The following DOK6 variants were observed in gnomAD, a reference collection of about 807,000 sequenced individuals.
DOK6 encodes docking protein 6, also known as downstream of tyrosine kinase 6.
DOK6 carries 22 observed loss-of-function variants against 44.0 expected under a neutral mutation model. That is an observed-to-expected ratio of 0.50 (90% confidence interval 0.36 to 0.71). The LOEUF (loss-of-function observed/expected upper bound fraction) is 0.71, where lower values mean the gene tolerates loss of function less well. Among genes scored for constraint, DOK6 ranks in the 30% least tolerant of loss-of-function variants. The pLI is 0.00. For synonymous variants in DOK6, 166 were observed against 145.5 expected, an observed-to-expected ratio of 1.14 and a Z score of -1.01; for missense variants, 340 against 416.4, an observed-to-expected ratio of 0.82 and a Z score of 1.60.
chr18:69,546,232 T>A (rs58496899), intron 1 of DOK6, among the ~76,000 whole-genome samples: 7,227 of 144,614 alleles, frequency 0.05, 586 homozygotes, highest in African/African-American at 0.17. Flanking sequence ...ACCCGAGATC[T>A]CACCATTGCA....
chr18:69,766,231 A>G (rs1979712592), intron 7 of DOK6, among the ~76,000 whole-genome samples: 1 of 152,182 alleles, frequency 6.6e-6, no homozygotes, highest in East Asian at 1.9e-4. Context: ...GGACATAAGT[A>G]TGGCCATAGT....
chr18:69,687,214 C>T (rs1678069973), intron 4 of DOK6, among the ~76,000 whole-genome samples: 1 of 152,124 alleles, frequency 6.6e-6, no homozygotes, highest in East Asian at 1.9e-4. Flanking sequence ...AAAGATAATA[C>T]ACCCTGACCA....
intron 3 of DOK6, chr18:69,663,302 G>C (rs1454547359): frequency 3.3e-5 from 5 of 152,156 alleles, no homozygotes; most frequent in Non-Finnish European, 7.3e-5. Context: ...AGAGGATGAA[G>C]GGTGGGAGGA....
In DOK6 at chr18:69,708,958, G is replaced by A. The variant is rs112366542; in HGVS notation, c.599+10365G>A. ...TTTGAAGAAATCAACATTCTTTCACGAAAAATGCTAAAACACCAGAGCATG... is the reference window on the plus strand; with the variant it reads ...TTTGAAGAAATCAACATTCTTTCACAAAAAATGCTAAAACACCAGAGCATG... On this transcript the variant is annotated intron_variant, in intron 5 of 7. Transcript: ENST00000382713. Among the ~76,000 whole-genome samples the A allele has an allele frequency of 4.9e-3, 743 of 152,176 alleles. 4 individuals are homozygous for A. Among genetic ancestry groups the A allele is most frequent in the African/African-American group, 0.016 (683 of 41,510 alleles).
intron 3 of DOK6, among the ~76,000 whole-genome samples, chr18:69,608,263 C>T (rs1042706570): frequency 6.6e-6 from 1 of 152,112 alleles, no homozygotes; most frequent in Middle Eastern, 3.2e-3. Flanking sequence ...TGTTGAATAG[C>T]TTATTCTTTG....
At chr18:69,795,225 T>C (rs894044769) in intron 7 of DOK6, among the ~76,000 whole-genome samples, 3 of 152,042 alleles carry the variant, frequency 2.0e-5, no homozygotes, top group African/African-American at 7.2e-5. Flanking sequence ...GTCACTAACC[T>C]CTTAAACAAC....
At chr18:69,709,968 A>C (rs1453712402) in intron 5 of DOK6, among the ~76,000 whole-genome samples, 2 of 152,276 alleles carry the variant, frequency 1.3e-5, no homozygotes, top group East Asian at 3.9e-4. Context: ...CTTGAGCTCT[A>C]GGAGTTCAAG....
In DOK6 at chr18:69,705,920, A is replaced by T. The variant is rs919228128; in HGVS notation, c.599+7327A>T. Among the ~76,000 whole-genome samples, 14 of 16,820 alleles carry T rather than the reference A, an allele frequency of 8.3e-4. No homozygotes were observed. The East Asian group carries it at 0.17, about 200-fold the overall frequency. 11.0% of individuals were successfully genotyped at this position (16,820 alleles called of 152,430 possible). On this transcript the variant is annotated intron_variant, in intron 5 of 7. Coordinates refer to ENST00000382713, the MANE Select transcript of DOK6 (RefSeq NM_152721.6). ...GAAATCTTCTCCATAAATGTGATTA[A>T]AAAAAAAAAAAACACTCCATTATTT...
chr18:69,823,166 C>G (rs1477744684), intron 7 of DOK6, among the ~76,000 whole-genome samples: 1 of 152,172 alleles, frequency 6.6e-6, no homozygotes, highest in Non-Finnish European at 1.5e-5. Flanking sequence ...TGAGTGCCTG[C>G]TGTGTGCCTG....
intron 1 of DOK6, among the ~76,000 whole-genome samples, chr18:69,499,400 T>C (rs1389851922): frequency 1.3e-5 from 2 of 152,108 alleles, no homozygotes; most frequent in Non-Finnish European, 2.9e-5. Context: ...CTGTGGAAAA[T>C]AGGCTAGAAT....
intron 3 of DOK6, among the ~76,000 whole-genome samples, chr18:69,672,653 C>A (rs1275087614): frequency 7.0e-6 from 1 of 143,526 alleles, no homozygotes. Flanking sequence ...CCACTGCGCC[C>A]GGCAGTGTTT....
At chr18:69,766,176 C>T (rs1215322788) in intron 7 of DOK6, among the ~76,000 whole-genome samples, 5 of 152,142 alleles carry the variant, frequency 3.3e-5, no homozygotes, top group African/African-American at 4.8e-5. Flanking sequence ...AACCAAATAC[C>T]GCACATTCTC....
chr18:69,809,222 G>A (rs1981143662), intron 7 of DOK6, among the ~76,000 whole-genome samples: 1 of 151,686 alleles, frequency 6.6e-6, no homozygotes, highest in South Asian at 2.1e-4. Context: ...ATCTCAGAAT[G>A]CAGAAAAAGC....
Position 69,698,537 on chromosome 18 carries a change from C to T in DOK6, c.543C>T (p.Leu181=). 4 of 1,614,066 alleles carry T rather than the reference C, an allele frequency of 2.5e-6. No individual in the cohort carries two copies. The South Asian group carries it at 4.4e-5, about 18-fold the overall frequency. The change falls in exon 5 of 8, where the codon CTC becomes CTT. Residue 181 remains leucine, a synonymous_variant. Coordinates refer to ENST00000382713, the MANE Select transcript of DOK6 (RefSeq NM_152721.6). ...AGGTCAAACTGGTGATGTGGCCTCT[C>T]AGCTCACTGAGGAGATACGGTCGGG... is the stretch of plus-strand genomic sequence containing the variant. ...NAKVKLVMWP[L]SSLRRYGRDS...
At chr18:69,485,713 A>C (rs12969458) in intron 1 of DOK6, among the ~76,000 whole-genome samples, 28,037 of 152,060 alleles carry the variant, frequency 0.18, 3,259 homozygotes, top group Non-Finnish European at 0.26. Flanking sequence ...ATTTTGAGAG[A>C]ATGTTTTCTA....
intron 2 of DOK6, among the ~76,000 whole-genome samples, chr18:69,575,496 A>AT (rs1983217657): frequency 6.6e-6 from 1 of 152,120 alleles, no homozygotes; most frequent in African/African-American, 2.4e-5. Flanking sequence ...GTTTGGTATC[A>AT]GCCTTAGAGT....
intron 6 of DOK6, among the ~76,000 whole-genome samples, chr18:69,748,769 C>T (rs1337819476): frequency 1.3e-5 from 2 of 152,118 alleles, no homozygotes; most frequent in African/African-American, 2.4e-5. Flanking sequence ...AGATCTAGAA[C>T]CAGAAATATC....
At chr18:69,706,996 C>T (rs568574870) in intron 5 of DOK6, among the ~76,000 whole-genome samples, 8 of 152,068 alleles carry the variant, frequency 5.3e-5, no homozygotes, top group East Asian at 1.9e-4. Flanking sequence ...AATAAACATA[C>T]GTGTGCATGT....
At chr18:69,639,592 G>C (rs1020936663) in intron 3 of DOK6, among the ~76,000 whole-genome samples, 1 of 152,120 alleles carries the variant, frequency 6.6e-6, no homozygotes, top group Non-Finnish European at 1.5e-5. Flanking sequence ...CTGCCCTCTT[G>C]TAAGGTGTTA....
Sources: allele counts gnomAD v4.1 joint callset (sites outside exome capture counted in the v4.1 genomes callset), GRCh38; gene constraint gnomAD v4.1.1; transcripts MANE v1.5; gene names NCBI Gene and HGNC (gene_info 2026-07-23, HGNC 2026-07-21).